LMF1: variants seen among roughly 807,000 people sequenced by gnomAD.
LMF1 encodes transmembrane protein 112.
Under a neutral mutation model 60.6 loss-of-function variants are expected in LMF1, and 68 were observed. The observed-to-expected ratio is 1.12, with a 90% CI of 0.92 to 1.37. LMF1 has a LOEUF of 1.37. Ranked by LOEUF, LMF1 falls within the 40% of genes most tolerant of loss-of-function variation. The pLI, the probability that LMF1 is intolerant of heterozygous loss-of-function variation, is 0.00. For missense variants in LMF1, 948 were observed against 767.2 expected, an observed-to-expected ratio of 1.24 and a Z score of -2.78; for synonymous variants, 418 against 324.7, an observed-to-expected ratio of 1.29 and a Z score of -3.09.
At chr16:976,189 C>T (rs1195416596) in intron 1 of LMF1, 2 of 451,736 alleles carry the variant, frequency 4.4e-6, no homozygotes, top group Non-Finnish European at 8.9e-6. Context: ...GTGCCTGGGC[C>T]ACGGATGGGC....
rs1389373532 is a variant in LMF1 at position 970,915 on chromosome 16, G to C, written c.66C>G (p.Tyr22Ter). The C allele has an allele frequency of 1.9e-6, 3 of 1,580,730 alleles. No individual in the cohort carries two copies. The highest frequency in any genetic ancestry group is 2.6e-6 in the Non-Finnish European group (3 of 1,164,018). The stretch of plus-strand genomic sequence containing the variant: ...GCGGCGACTCAGGCTCCGGATCCGA[G>C]TACCCAGTCTTCCGCCTCCTCAGCG... Reference protein sequence around the residue: ...AESLRRRKTGYSDPEPESPPA... With the variant: ...AESLRRRKTG Residue 22 changes from tyrosine (Y) to a stop codon, truncating the protein, a stop_gained, in exon 1 of 11, where the codon TAC becomes TAG. Transcript: ENST00000262301. LOFTEE classifies it high-confidence loss of function.
At chr16:942,087 T>G (rs149864015) in intron 2 of LMF1, among the ~76,000 whole-genome samples, 373 of 152,358 alleles carry the variant, frequency 2.4e-3, no homozygotes, top group Non-Finnish European at 4.2e-3. Context: ...AACATTTCTA[T>G]AGTGTGTCTG....
At chr16:864,003 G>A (rs1229762855) in intron 10 of LMF1, among the ~76,000 whole-genome samples, 1 of 152,214 alleles carries the variant, frequency 6.6e-6, no homozygotes, top group East Asian at 1.9e-4. Context: ...TGTTCTTGCT[G>A]AATTTCCATC....
intron 10 of LMF1, among the ~76,000 whole-genome samples, chr16:867,135 C>T (rs1046168754): frequency 2.6e-5 from 4 of 152,158 alleles, no homozygotes; most frequent in South Asian, 2.1e-4. Context: ...ATCATGGAGA[C>T]GGGAGAGATG....
chr16:887,305 A>G (rs1024688978), intron 5 of LMF1, among the ~76,000 whole-genome samples: 12 of 152,124 alleles, frequency 7.9e-5, no homozygotes, highest in African/African-American at 2.9e-4. Flanking sequence ...GCTCTGTGTG[A>G]GCCTTGCGGG....
intron 3 of LMF1, among the ~76,000 whole-genome samples, chr16:925,980 T>C (rs1313031611): frequency 6.6e-6 from 1 of 152,198 alleles, no homozygotes; most frequent in African/African-American, 2.4e-5. Flanking sequence ...GCATATGATC[T>C]GCATACGTGT....
intron 2 of LMF1, among the ~76,000 whole-genome samples, chr16:954,058 C>T (rs1323171370): frequency 7.1e-6 from 1 of 141,352 alleles, no homozygotes; most frequent in African/African-American, 2.5e-5. Flanking sequence ...TCCACACAGA[C>T]ACAGACCCAC....
Position 854,538 on chromosome 16 carries a change from G to A in LMF1, c.1698C>T (p.Pro566=), listed in dbSNP as rs1226297892. The change falls in exon 11 of 11, where the codon CCC becomes CCT. Residue 566 remains proline, a synonymous_variant. Coordinates refer to ENST00000262301, the MANE Select transcript of LMF1 (RefSeq NM_022773.4). The part of the protein sequence containing the change: ...FRDRGWPLPG[P]L ...CTTTATTTCTGGTGCACGTCTAGAG[G>A]GGCCCGGGCAGAGGCCACCCACGGT... The A allele has an allele frequency of 1.4e-5, 22 of 1,607,138 alleles. No individual in the cohort carries two copies. The highest frequency in any genetic ancestry group is 1.7e-5 in the Non-Finnish European group (20 of 1,178,924).
chr16:893,102 G>C, intron 4 of LMF1, 30 bp from the exon 5 acceptor site: 1 of 1,542,688 alleles, frequency 6.5e-7, no homozygotes, highest in East Asian at 2.4e-5. Context: ...GGGAGAGTCA[G>C]TCACAGGGGC....
At chr16:977,220 C>G (rs1272906424) in intron 1 of LMF1, 1 of 402,578 alleles carries the variant, frequency 2.5e-6, no homozygotes, top group African/African-American at 2.1e-5. Flanking sequence ...AGCCTTGACC[C>G]AAACCGGAAC....
chr16:937,493 T>TGACAGGCTGCTGGGGTCTCTGTTGACC (rs1430169467), intron 2 of LMF1, among the ~76,000 whole-genome samples: 1 of 152,002 alleles, frequency 6.6e-6, no homozygotes. Flanking sequence ...CTCTGTTGAC[T>TGACAGGCTGCTGGGGTCTCTGTTGACC]GACAGGCTGC....
chr16:932,229 G>A (rs569793066), intron 3 of LMF1, among the ~76,000 whole-genome samples: 1 of 152,332 alleles, frequency 6.6e-6, no homozygotes, highest in South Asian at 2.1e-4. Context: ...TCACAGGCGG[G>A]GGCACGGGGA....
intron 3 of LMF1, among the ~76,000 whole-genome samples, chr16:911,797 A>C (rs901432879): frequency 9.2e-5 from 14 of 152,036 alleles, no homozygotes; most frequent in African/African-American, 3.4e-4. Context: ...GAAGCCAGGC[A>C]AGGATGCAGA....
chr16:980,096 A>C (rs1596194326), intron 1 of LMF1: 1 of 278,862 alleles, frequency 3.6e-6, no homozygotes, highest in Non-Finnish European at 7.1e-6. Flanking sequence ...CAACTCGCGC[A>C]CTCCGTCTCC....
rs2069115242 is a variant in LMF1, at chr16:853,907, T to C, written c.*625A>G. 2.2e-6 allele frequency: 1 copy of C among 453,446 alleles called. No individual in the cohort carries two copies. Among genetic ancestry groups the C allele is most frequent in the Non-Finnish European group, 4.4e-6 (1 of 226,678 alleles). The allele number at this position is 453,446 out of a possible 1,614,324, so 28.1% of individuals were successfully genotyped here. On this transcript the variant is annotated 3_prime_UTR_variant, in exon 11 of 11. Coordinates refer to ENST00000262301, the MANE Select transcript of LMF1 (RefSeq NM_022773.4). ...GGGATGAAACCGGGCCAAGAACACATGTGTGCACAGGCTGTGTGTGCCTGC... is the reference window on the plus strand; with the variant it reads ...GGGATGAAACCGGGCCAAGAACACACGTGTGCACAGGCTGTGTGTGCCTGC...
At chr16:979,642 C>T (rs779249706) in intron 1 of LMF1, 6 of 453,952 alleles carry the variant, frequency 1.3e-5, no homozygotes, top group Non-Finnish European at 2.2e-5. Flanking sequence ...GGATGGGGAG[C>T]CAGGAAGAGG....
At chr16:959,660 A>G (rs553310697) in intron 1 of LMF1, among the ~76,000 whole-genome samples, 36 of 152,328 alleles carry the variant, frequency 2.4e-4, no homozygotes, top group African/African-American at 8.4e-4. Flanking sequence ...TTCTGAGTGG[A>G]GACCGCAAGG....
chr16:979,664 G>A (rs1254016782), intron 1 of LMF1: 1 of 454,014 alleles, frequency 2.2e-6, no homozygotes, highest in Non-Finnish European at 4.4e-6. Flanking sequence ...CACCCTGCCT[G>A]CTCGCAGACC....
At position 861,464 on chromosome 16, in the gene LMF1, TCTC is replaced by T. The variant is rs369503325; in HGVS notation, c.1530-6761_1530-6759del. On this transcript the variant is annotated intron_variant, in intron 10 of 10. Coordinates refer to ENST00000262301, the MANE Select transcript of LMF1 (RefSeq NM_022773.4). Reference sequence around the variant, plus strand: ...CCTCTGCCTCCCCGGTACAAGCAATTCTCCTACCTCAGCCTCCTGAGTAGCTGG... The same window carrying T: ...CCTCTGCCTCCCCGGTACAAGCAATTCTACCTCAGCCTCCTGAGTAGCTGG... Among the ~76,000 whole-genome samples, 557 of 151,026 alleles carry T rather than the reference TCTC, an allele frequency of 3.7e-3. 2 individuals carry two copies. The highest frequency in any genetic ancestry group is 0.011 in the African/African-American group (456 of 41,130).
Sources: allele counts gnomAD v4.1 joint callset (sites outside exome capture counted in the v4.1 genomes callset), GRCh38; gene constraint gnomAD v4.1.1; transcripts MANE v1.5; gene names NCBI Gene and HGNC (gene_info 2026-07-23, HGNC 2026-07-21).